The following ANO3 variants were observed in gnomAD, a reference collection of about 807,000 sequenced individuals.
ANO3 encodes anoctamin 3.
In ANO3, 99 loss-of-function variants were observed where a neutral mutation model predicts 144.8. The observed-to-expected ratio is 0.68, with a 90% CI of 0.58 to 0.81. The LOEUF (loss-of-function observed/expected upper bound fraction) is 0.81. Among genes scored for constraint, ANO3 ranks in the 30% least tolerant of loss-of-function variants. The pLI, the probability that ANO3 is intolerant of heterozygous loss-of-function variation, is 0.00. For missense variants in ANO3, 905 were observed against 1,202.2 expected, an observed-to-expected ratio of 0.75 and a Z score of 3.66; for synonymous variants, 414 against 392.6, an observed-to-expected ratio of 1.05 and a Z score of -0.64.
chr11:26,536,598 C>A (rs373534), intron 9 of ANO3, among the ~76,000 whole-genome samples: 2,789 of 151,742 alleles, frequency 0.018, 85 homozygotes, highest in African/African-American at 0.063. Context: ...GATGTCTTAG[C>A]GTTTATAATT....
chr11:26,332,233 T>C lies in ANO3; in HGVS notation c.-43T>C. 6.8e-6 allele frequency: 11 copies of C among 1,613,920 alleles called. No homozygotes were observed. Among genetic ancestry groups the C allele is most frequent in the South Asian group, 1.1e-5 (1 of 91,068 alleles). ...TCTGGCTACTGTTCCTCCGCCTCCC[T>C]CTCGGGCAGCTCCCTAAGCCGGCTG... On this transcript the variant is annotated 5_prime_UTR_variant, in exon 1 of 27. Coordinates refer to ENST00000256737, the MANE Select transcript of ANO3 (RefSeq NM_031418.4).
chr11:26,625,167 T>C (rs750029056), intron 18 of ANO3, among the ~76,000 whole-genome samples: 1 of 152,204 alleles, frequency 6.6e-6, no homozygotes, highest in African/African-American at 2.4e-5. Flanking sequence ...CCTCGTGATC[T>C]GCCCGCCTCG....
intron 24 of ANO3, among the ~76,000 whole-genome samples, chr11:26,653,514 T>C (rs7116352): frequency 0.4 from 60,888 of 151,890 alleles, 13,445 homozygotes; most frequent in South Asian, 0.53. Context: ...ATTCATGTAA[T>C]TCATGTGCTC....
At chr11:26,358,818 A>G (rs773442125) in intron 1 of ANO3, among the ~76,000 whole-genome samples, 2 of 151,998 alleles carry the variant, frequency 1.3e-5, no homozygotes, top group Non-Finnish European at 2.9e-5. Flanking sequence ...TTTTCTTGCT[A>G]TATGTTCAAA....
chr11:26,523,009 T>C (rs1352542041), intron 6 of ANO3, among the ~76,000 whole-genome samples: 1 of 152,174 alleles, frequency 6.6e-6, no homozygotes, highest in Non-Finnish European at 1.5e-5. Context: ...ACGGAAATGG[T>C]TTAATTGACT....
At chr11:26,624,078 G>A (rs1277631864) in intron 17 of ANO3, among the ~76,000 whole-genome samples, 3 of 152,124 alleles carry the variant, frequency 2.0e-5, no homozygotes, top group Admixed American at 6.6e-5. Context: ...GAGCCACCGC[G>A]CCCGGCCAAA....
At chr11:26,230,856 A>C in intron 1 of ANO3, among the ~76,000 whole-genome samples, 1 of 147,520 alleles carries the variant, frequency 6.8e-6, no homozygotes. Flanking sequence ...TTTTTACAAA[A>C]AGTTTTCTGG....
intron 1 of ANO3, among the ~76,000 whole-genome samples, chr11:26,318,565 G>T (rs1854682312): frequency 6.6e-6 from 1 of 152,194 alleles, no homozygotes; most frequent in South Asian, 2.1e-4. Context: ...AAGAATCAGA[G>T]AACAATTCGT....
chr11:26,232,154 C>T (rs11029403), intron 1 of ANO3, among the ~76,000 whole-genome samples: 1 of 151,930 alleles, frequency 6.6e-6, no homozygotes, highest in Non-Finnish European at 1.5e-5. Context: ...GGTTGGACCT[C>T]GTTGTATTTA....
rs1202493908 is a variant in ANO3, at chr11:26,235,739, C to T, written c.154+46409C>T. 2.6e-5 allele frequency among the ~76,000 whole-genome samples: 4 copies of T among 151,882 alleles called. No individual in the cohort carries two copies. The East Asian group carries it at 7.8e-4, about 29-fold the overall frequency. On this transcript the variant is annotated intron_variant, in intron 1 of 27. Transcript: ENST00000672621. ...TTATTCATATGATATACAGTAGGCT[C>T]TATTGTTTCTATTTTAGACCATTTT... is the stretch of plus-strand genomic sequence containing the variant.
In ANO3 at chr11:26,484,981, T is replaced by G. The variant is rs561633600; in HGVS notation, c.432+21833T>G. On this transcript the variant is annotated intron_variant, in intron 4 of 26. Transcript: ENST00000256737. ...TCAAATTTCTCCCTTTTGGAATGGG[T>G]GTGTTTACCTAATGCCTGTATCCCC... 3.3e-5 allele frequency among the ~76,000 whole-genome samples: 5 copies of G among 152,226 alleles called. No individual in the cohort carries two copies. The South Asian group carries it at 1.0e-3, about 32-fold the overall frequency.
intron 13 of ANO3, among the ~76,000 whole-genome samples, chr11:26,558,137 T>C (rs1253439670): frequency 3.9e-5 from 6 of 152,120 alleles, no homozygotes; most frequent in Non-Finnish European, 8.8e-5. Context: ...TTAGCAAACC[T>C]AGTAAGAAAA....
chr11:26,598,042 A>G (rs1291325080), intron 14 of ANO3, among the ~76,000 whole-genome samples: 4 of 152,186 alleles, frequency 2.6e-5, no homozygotes, highest in African/African-American at 9.7e-5. Context: ...GTCTTTAGAT[A>G]ATTTTGAATA....
chr11:26,599,799 A>G lies in ANO3; in HGVS notation c.1836+85A>G, dbSNP rs1237783055. ...TATGTTTCCTTTATATTTGAAATGT[A>G]TTTACATGGAGCCAAAATAAGACCA... On this transcript the variant is annotated intron_variant, in intron 17 of 26. Transcript: ENST00000256737. 6.3e-6 allele frequency: 8 copies of G among 1,259,854 alleles called. No individual in the cohort carries two copies. In the African/African-American group the frequency reaches 7.5e-5, roughly 12 times the overall value. The allele number at this position is 1,259,854 out of a possible 1,614,324, so 78.0% of individuals were successfully genotyped here.
At chr11:26,446,914 C>A (rs1221915864) in intron 3 of ANO3, among the ~76,000 whole-genome samples, 1 of 152,004 alleles carries the variant, frequency 6.6e-6, no homozygotes, top group Non-Finnish European at 1.5e-5. Flanking sequence ...CTGTGATCAT[C>A]AAAAGTGATT....
chr11:26,218,176 C>T (rs1390888193), intron 1 of ANO3, among the ~76,000 whole-genome samples: 2 of 152,020 alleles, frequency 1.3e-5, no homozygotes, highest in African/African-American at 4.8e-5. Flanking sequence ...TTGAGTGGTC[C>T]TGGCTTCACT....
At chr11:26,609,773 T>A (rs1482831021) in intron 17 of ANO3, among the ~76,000 whole-genome samples, 1 of 152,232 alleles carries the variant, frequency 6.6e-6, no homozygotes, top group African/African-American at 2.4e-5. Flanking sequence ...GATTGATGGA[T>A]CATATAGTAA....
At chr11:26,460,357 G>GT (rs927798661) in intron 3 of ANO3, among the ~76,000 whole-genome samples, 1 of 133,580 alleles carries the variant, frequency 7.5e-6, no homozygotes, top group Non-Finnish European at 1.6e-5. Context: ...CGTACAGATA[G>GT]TTTTTTCACC....
intron 6 of ANO3, among the ~76,000 whole-genome samples, chr11:26,523,883 C>A (rs969072680): frequency 2.0e-5 from 3 of 152,130 alleles, no homozygotes; most frequent in Admixed American, 6.5e-5. Flanking sequence ...ATATTCCTAA[C>A]CATATCCACT....
Sources: allele counts gnomAD v4.1 joint callset (sites outside exome capture counted in the v4.1 genomes callset), GRCh38; gene constraint gnomAD v4.1.1; transcripts MANE v1.5; gene names NCBI Gene and HGNC (gene_info 2026-07-23, HGNC 2026-07-21).